The following RBFOX1 variants were observed in gnomAD, a reference collection of about 807,000 sequenced individuals.
The protein encoded by RBFOX1 is RNA binding fox-1 homolog 1.
Under a neutral mutation model 57.7 loss-of-function variants are expected in RBFOX1, and 8 were observed. The ratio of observed to expected loss-of-function variants is 0.14; its 90% confidence interval spans 0.08 to 0.25. The LOEUF (loss-of-function observed/expected upper bound fraction) is 0.25. Ranked by LOEUF, RBFOX1 falls within the 10% of genes least tolerant of loss-of-function variation. The pLI, the probability that RBFOX1 is intolerant of heterozygous loss-of-function variation, is 1.00. For missense variants in RBFOX1, 611 were observed against 548.5 expected (o/e 1.11, Z -1.14); for synonymous variants, 326 against 222.4 (o/e 1.47, Z -4.15).
At chr16:6,665,011 C>T (rs1568117488) in intron 3 of RBFOX1, among the ~76,000 whole-genome samples, 1 of 152,118 alleles carries the variant, frequency 6.6e-6, no homozygotes, top group African/African-American at 2.4e-5. Flanking sequence ...TTTCAATTGT[C>T]ATAGAAAATG....
chr16:5,545,278 G>A (rs2045145564), intron 2 of RBFOX1, among the ~76,000 whole-genome samples: 1 of 137,500 alleles, frequency 7.3e-6, no homozygotes, highest in Admixed American at 7.8e-5. Context: ...CCTGCCCTTA[G>A]TGTTAAATTC....
chr16:6,460,755 C>T (rs955045400), intron 2 of RBFOX1, among the ~76,000 whole-genome samples: 1 of 144,738 alleles, frequency 6.9e-6, no homozygotes, highest in Admixed American at 7.1e-5. Flanking sequence ...GGTATATAGC[C>T]AAAGGAATAT....
intron 4 of RBFOX1, among the ~76,000 whole-genome samples, chr16:7,319,588 C>T (rs1210013210): frequency 2.0e-5 from 3 of 152,122 alleles, no homozygotes; most frequent in Non-Finnish European, 2.9e-5. Context: ...TTGTTCACCA[C>T]CCACCATGCT....
intron 3 of RBFOX1, among the ~76,000 whole-genome samples, chr16:7,030,213 T>C (rs2042435267): frequency 6.6e-6 from 1 of 152,210 alleles, no homozygotes; most frequent in Admixed American, 6.5e-5. Flanking sequence ...TGGATCATGA[T>C]AGAGAAGGCT....
intron 3 of RBFOX1, among the ~76,000 whole-genome samples, chr16:5,659,012 G>A (rs565262697): frequency 6.6e-6 from 1 of 151,822 alleles, no homozygotes; most frequent in South Asian, 2.1e-4. Context: ...GCATAACCTT[G>A]GTAGATACCC....
intron 4 of RBFOX1, among the ~76,000 whole-genome samples, chr16:7,065,715 C>A (rs1380439408): frequency 6.6e-6 from 1 of 152,050 alleles, no homozygotes; most frequent in Non-Finnish European, 1.5e-5. Context: ...GCTGTGATTA[C>A]CTGTAGCCGC....
In RBFOX1 at chr16:6,927,840, T is replaced by C. The variant is rs559116807; in HGVS notation, c.-15-124217T>C. On this transcript the variant is annotated intron_variant, in intron 3 of 15. Coordinates refer to ENST00000550418, the MANE Select transcript of RBFOX1 (RefSeq NM_018723.4). The stretch of plus-strand genomic sequence containing the variant: ...GCCTAACACTGAAGGAAATAGAAAA[T>C]GTGGATCTCACAACACATCATTTCA... Among the ~76,000 whole-genome samples the C allele has an allele frequency of 2.0e-5, 3 of 152,150 alleles. No homozygotes were observed. In the South Asian group the frequency reaches 6.2e-4, roughly 32 times the overall value.
At chr16:6,731,389 C>G (rs1484791827) in intron 3 of RBFOX1, among the ~76,000 whole-genome samples, 1 of 152,148 alleles carries the variant, frequency 6.6e-6, no homozygotes, top group Non-Finnish European at 1.5e-5. Flanking sequence ...AACAGGGGAT[C>G]AGTGACCTCA....
chr16:7,678,176 T>G (rs1309936088), intron 14 of RBFOX1, among the ~76,000 whole-genome samples: 1 of 152,176 alleles, frequency 6.6e-6, no homozygotes, highest in Non-Finnish European at 1.5e-5. Context: ...GTAGGGGGCC[T>G]TCAGAGAAAT....
At chr16:6,899,917 C>G (rs904859985) in intron 3 of RBFOX1, among the ~76,000 whole-genome samples, 3 of 152,162 alleles carry the variant, frequency 2.0e-5, no homozygotes, top group Admixed American at 6.5e-5. Context: ...CATGTTCTGA[C>G]CATAACCATT....
intron 2 of RBFOX1, among the ~76,000 whole-genome samples, chr16:5,568,613 A>G (rs1225562339): frequency 6.6e-6 from 1 of 152,126 alleles, no homozygotes; most frequent in Non-Finnish European, 1.5e-5. Flanking sequence ...TGTTGTCTGC[A>G]GTGGGCTGGC....
intron 2 of RBFOX1, among the ~76,000 whole-genome samples, chr16:5,519,035 G>C (rs1185774545): frequency 1.3e-5 from 2 of 152,196 alleles, no homozygotes; most frequent in East Asian, 1.9e-4. Context: ...CGAATGTACA[G>C]AAGGAGAACT....
At position 7,567,450 on chromosome 16, in the gene RBFOX1, T is replaced by TATGTAAGGCCCTATATATATATATCCCC. The variant is rs1567866929; in HGVS notation, c.271-12322_271-12321insAGGCCCTATATATATATATCCCCATGTA. ...GTATGGCCCTATATATATATATCCC[T>TATGTAAGGCCCTATATATATATATCCCC]ATGTATGGCCCTATATATATATCCC... On this transcript the variant is annotated intron_variant, in intron 5 of 15. Transcript: ENST00000550418. 3.7e-3 allele frequency among the ~76,000 whole-genome samples: 447 copies of TATGTAAGGCCCTATATATATATATCCCC among 121,238 alleles called. 18 individuals are homozygous for TATGTAAGGCCCTATATATATATATCCCC. Among genetic ancestry groups the TATGTAAGGCCCTATATATATATATCCCC allele is most frequent in the Middle Eastern group, 0.027 (3 of 110 alleles). 79.5% of individuals were successfully genotyped at this position (121,238 alleles called of 152,430 possible).
At chr16:7,706,549 T>G (rs1431897681) in intron 14 of RBFOX1, among the ~76,000 whole-genome samples, 1 of 152,222 alleles carries the variant, frequency 6.6e-6, no homozygotes, top group African/African-American at 2.4e-5. Context: ...GAGGAAATTA[T>G]TGCCACAGTA....
At chr16:7,603,535 G>A (rs1010917255) in intron 9 of RBFOX1, among the ~76,000 whole-genome samples, 1 of 152,186 alleles carries the variant, frequency 6.6e-6, no homozygotes, top group Non-Finnish European at 1.5e-5. Context: ...GAGGAGGTGG[G>A]AAAGTGACAT....
intron 4 of RBFOX1, among the ~76,000 whole-genome samples, chr16:7,500,885 A>G (rs928937819): frequency 6.6e-6 from 1 of 152,208 alleles, no homozygotes; most frequent in Non-Finnish European, 1.5e-5. Context: ...TGATGGGGAC[A>G]GTTACCTCCA....
intron 2 of RBFOX1, among the ~76,000 whole-genome samples, chr16:6,596,314 T>C (rs2097776264): frequency 6.6e-6 from 1 of 152,230 alleles, no homozygotes; most frequent in Non-Finnish European, 1.5e-5. Context: ...GATTTGCATT[T>C]GTATCTTTGC....
intron 7 of RBFOX1, among the ~76,000 whole-genome samples, chr16:7,592,447 G>C (rs1039115510): frequency 5.9e-5 from 9 of 152,162 alleles, no homozygotes; most frequent in Non-Finnish European, 1.3e-4. Flanking sequence ...TATAATGTTG[G>C]ACAGGAGGGT....
At chr16:7,086,336 T>A (rs2059975210) in intron 4 of RBFOX1, among the ~76,000 whole-genome samples, 1 of 152,182 alleles carries the variant, frequency 6.6e-6, no homozygotes. Context: ...AACTCAGACC[T>A]GAGCAAGAGA....
Sources: gnomAD v4.1 joint callset for allele counts (sites outside exome capture counted in the v4.1 genomes callset) on GRCh38, gnomAD v4.1.1 for gene constraint, MANE v1.5 for transcripts, NCBI Gene and HGNC (gene_info 2026-07-23, HGNC 2026-07-21) for gene names.